The following PRKN variants were observed in gnomAD, a reference collection of about 807,000 sequenced individuals.
The protein encoded by PRKN is parkin RBR E3 ubiquitin protein ligase.
PRKN carries 56 observed loss-of-function variants against 59.5 expected under a neutral mutation model. The ratio of observed to expected loss-of-function variants is 0.94; its 90% confidence interval spans 0.76 to 1.18. PRKN has a LOEUF of 1.18. PRKN is among the 50% of genes most tolerant of loss of function. PRKN has a pLI of 0.00. For missense variants in PRKN, 657 were observed against 596.4 expected (o/e 1.10, Z -1.06); for synonymous variants, 250 against 222.1 (o/e 1.13, Z -1.12).
intron 7 of PRKN, among the ~76,000 whole-genome samples, chr6:161,756,333 T>C (rs574248897): frequency 6.6e-6 from 1 of 150,380 alleles, no homozygotes; most frequent in East Asian, 2.0e-4. Flanking sequence ...TCCCAGCTAT[T>C]TGGAAGGCTG....
chr6:162,599,802 G>A (rs1189168180), intron 1 of PRKN, among the ~76,000 whole-genome samples: 1 of 152,056 alleles, frequency 6.6e-6, no homozygotes, highest in African/African-American at 2.4e-5. Flanking sequence ...AACAACAATA[G>A]TAACAACAAA....
intron 6 of PRKN, among the ~76,000 whole-genome samples, chr6:161,796,591 A>G (rs1442033280): frequency 1.3e-5 from 2 of 152,236 alleles, no homozygotes; most frequent in African/African-American, 4.8e-5. Flanking sequence ...CGCAGCTCAT[A>G]AAAAATTATC....
At chr6:161,660,337 C>G (rs1784497637) in intron 7 of PRKN, among the ~76,000 whole-genome samples, 1 of 152,114 alleles carries the variant, frequency 6.6e-6, no homozygotes, top group South Asian at 2.1e-4. Flanking sequence ...GTTGGTAAAT[C>G]AAGGTTATTG....
chr6:162,636,820 T>C (rs1777731350), intron 1 of PRKN, among the ~76,000 whole-genome samples: 1 of 151,824 alleles, frequency 6.6e-6, no homozygotes, highest in African/African-American at 2.4e-5. Context: ...CTCAGTCTCA[T>C]CTGGGAATGG....
chr6:162,367,287 C>A (rs939560632), intron 2 of PRKN, among the ~76,000 whole-genome samples: 1 of 152,166 alleles, frequency 6.6e-6, no homozygotes, highest in Non-Finnish European at 1.5e-5. Context: ...GTCAATTAAA[C>A]CTCTTTCCTT....
chr6:162,577,483 C>G (rs1780606776), intron 1 of PRKN, among the ~76,000 whole-genome samples: 1 of 151,976 alleles, frequency 6.6e-6, no homozygotes, highest in South Asian at 2.1e-4. Context: ...ACCTGTAATC[C>G]CAGCTACTCA....
intron 4 of PRKN, among the ~76,000 whole-genome samples, chr6:162,164,067 C>T (rs1482005658): frequency 6.7e-6 from 1 of 149,144 alleles, no homozygotes; most frequent in Non-Finnish European, 1.5e-5. Flanking sequence ...GCCTGCCCCT[C>T]TAGAGACAGA....
intron 6 of PRKN, among the ~76,000 whole-genome samples, chr6:161,931,963 A>T (rs892869993): frequency 1.3e-5 from 2 of 152,226 alleles, no homozygotes; most frequent in African/African-American, 4.8e-5. Context: ...AGGCAATGCT[A>T]TCATGGAGTT....
rs1374133765 is a variant in PRKN at position 161,393,590 on chromosome 6, G to A, written c.1084-6713C>T. ...TTTCCATAATGAACACATTCAAAAGGGGCTGTATGTGTACTTTCTCTGTGG... is the reference window on the plus strand; with the variant it reads ...TTTCCATAATGAACACATTCAAAAGAGGCTGTATGTGTACTTTCTCTGTGG... On this transcript the variant is annotated intron_variant, in intron 9 of 11. Coordinates refer to ENST00000366898, the MANE Select transcript of PRKN (RefSeq NM_004562.3). This position sits in a 1 kb window ranked among gnomAD's most constrained non-coding sequence, Gnocchi z 4.7. Among the ~76,000 whole-genome samples the A allele has an allele frequency of 6.6e-6, 1 of 151,966 alleles. No homozygotes were observed. The highest frequency in any genetic ancestry group is 1.5e-5 in the Non-Finnish European group (1 of 68,012).
chr6:161,555,152 T>C (rs1438258703), intron 8 of PRKN, among the ~76,000 whole-genome samples: 1 of 152,178 alleles, frequency 6.6e-6, no homozygotes, highest in African/African-American at 2.4e-5. Context: ...ATTTTCTTAT[T>C]TGTGTTTTTT....
chr6:161,494,671 AT>A (rs1777678489), intron 9 of PRKN, among the ~76,000 whole-genome samples: 1 of 152,242 alleles, frequency 6.6e-6, no homozygotes, highest in Admixed American at 6.5e-5. Context: ...CTTTACACAC[AT>A]TAACTGATTT....
chr6:162,118,649 CAT>C (rs1780778320), intron 4 of PRKN, among the ~76,000 whole-genome samples: 1 of 152,200 alleles, frequency 6.6e-6, no homozygotes, highest in African/African-American at 2.4e-5. Context: ...GCAACATTAA[CAT>C]GTGCTCTTTT....
chr6:162,399,599 G>T (rs760273550), intron 2 of PRKN, among the ~76,000 whole-genome samples: 1 of 151,934 alleles, frequency 6.6e-6, no homozygotes, highest in African/African-American at 2.4e-5. Context: ...ACAAGAAAAA[G>T]TCTATTTATA....
At chr6:162,298,274 A>G (rs1260732137) in intron 2 of PRKN, among the ~76,000 whole-genome samples, 1 of 151,872 alleles carries the variant, frequency 6.6e-6, no homozygotes, top group Non-Finnish European at 1.5e-5. Context: ...GCAACCCTCT[A>G]GGATTTACCA....
chr6:162,611,922 AC>A (rs1414000062), intron 1 of PRKN, among the ~76,000 whole-genome samples: 2 of 151,994 alleles, frequency 1.3e-5, no homozygotes, highest in African/African-American at 4.8e-5. Flanking sequence ...GTGGTGGCTC[AC>A]GCCTGTAATC....
chr6:161,406,109 T>A (rs529343676), intron 9 of PRKN, among the ~76,000 whole-genome samples: 1 of 151,956 alleles, frequency 6.6e-6, no homozygotes, highest in Admixed American at 6.6e-5. Flanking sequence ...TACATACGTA[T>A]ATATATACAC....
chr6:161,806,181 C>A (rs1201712991), intron 6 of PRKN, among the ~76,000 whole-genome samples: 1 of 152,174 alleles, frequency 6.6e-6, no homozygotes, highest in Non-Finnish European at 1.5e-5. Flanking sequence ...CAACCTGCCC[C>A]ACAACACAGT....
intron 6 of PRKN, among the ~76,000 whole-genome samples, chr6:161,822,726 C>T (rs1192242183): frequency 6.6e-6 from 1 of 152,038 alleles, no homozygotes; most frequent in African/African-American, 2.4e-5. Flanking sequence ...AGAGGGGTCT[C>T]AGATCATGAT....
At chr6:162,327,317 T>C (rs1049240167) in intron 2 of PRKN, among the ~76,000 whole-genome samples, 5 of 152,216 alleles carry the variant, frequency 3.3e-5, no homozygotes, top group African/African-American at 1.2e-4. Flanking sequence ...AGTTCTTTTT[T>C]GCTTATGATG....
Sources: gnomAD v4.1 joint callset for allele counts (sites outside exome capture counted in the v4.1 genomes callset) on GRCh38, gnomAD v4.1.1 for gene constraint, Gnocchi (gnomAD v3.1) non-coding constraint, MANE v1.5 for transcripts, NCBI Gene and HGNC (gene_info 2026-07-23, HGNC 2026-07-21) for gene names.